CCDC197: variants seen among roughly 807,000 people sequenced by gnomAD.
CCDC197 encodes uncharacterized protein CCDC197.
In CCDC197, 24 loss-of-function variants were observed where a neutral mutation model predicts 13.4. The ratio of observed to expected loss-of-function variants is 1.80; its 90% CI spans 1.30 to 2.53. The LOEUF is 2.53. Ranked by LOEUF, CCDC197 falls within the 30% of genes most tolerant of loss-of-function variation. The pLI, the probability that CCDC197 is intolerant of heterozygous loss-of-function variation, is 0.00. For synonymous variants in CCDC197, 99 were observed against 55.5 expected, an observed-to-expected ratio of 1.78 and a Z score of -3.48; for missense variants, 255 against 148.8, an observed-to-expected ratio of 1.71 and a Z score of -3.71.
At chr14:94,005,366 C>T (rs560562042) in intron 6 of CCDC197, among the ~76,000 whole-genome samples, 42 of 152,284 alleles carry the variant, frequency 2.8e-4, no homozygotes, top group Admixed American at 4.6e-4. Context: ...CTTGCACGCA[C>T]GAAGATACAA....
intron 3 of CCDC197, 169 bp from the exon 4 acceptor site, chr14:94,000,976 G>A (rs1890478944): frequency 4.5e-6 from 2 of 449,312 alleles, no homozygotes; most frequent in Middle Eastern, 5.7e-4. Context: ...GCGGGGGGGC[G>A]GGTGTGGATG....
At chr14:93,999,336 G>T (rs1890417423) in intron 2 of CCDC197, 1 of 490,464 alleles carries the variant, frequency 2.0e-6, no homozygotes, top group Non-Finnish European at 3.6e-6. Flanking sequence ...TTCTCCCCCA[G>T]ATACCTTCTT....
intron 6 of CCDC197, among the ~76,000 whole-genome samples, chr14:94,006,746 A>T (rs1890691876): frequency 6.6e-6 from 1 of 152,134 alleles, no homozygotes; most frequent in South Asian, 2.1e-4. Context: ...AATATTTTCT[A>T]TCTTGCATGT....
downstream of CCDC197, among the ~76,000 whole-genome samples, chr14:94,010,814 C>G (rs1890795996): frequency 6.6e-6 from 1 of 152,164 alleles, no homozygotes; most frequent in Non-Finnish European, 1.5e-5. Context: ...CCTCTCTGTT[C>G]TCTGTCTTTC....
Position 94,004,836 on chromosome 14 carries a change from C to T in CCDC197, c.499-19C>T, listed in dbSNP as rs1449581342. 1.4e-6 allele frequency: 1 copy of T among 702,318 alleles called. No individual in the cohort carries two copies. Among genetic ancestry groups the T allele is most frequent in the African/African-American group, 1.7e-5 (1 of 57,260 alleles). 43.5% of individuals were successfully genotyped at this position (702,318 alleles called of 1,614,324 possible). On this transcript the variant is annotated intron_variant, in intron 5 of 6. Transcript: ENST00000636493. ...GGGAGAGAGCCTGAGCCACCACCTC[C>T]TCCTTCTCTTTCCTGCAGGATCAGC...
intron 3 of CCDC197, 181 bp from the exon 4 acceptor site, chr14:94,000,964 G>A: frequency 2.5e-6 from 1 of 406,518 alleles, no homozygotes; most frequent in East Asian, 4.4e-5. Flanking sequence ...GGGGGCGGGA[G>A]GGCGGGGGGG....
At chr14:93,998,707 C>A (rs1890398040) in intron 2 of CCDC197, among the ~76,000 whole-genome samples, 1 of 152,248 alleles carries the variant, frequency 6.6e-6, no homozygotes, top group African/African-American at 2.4e-5. Context: ...AAGAAAAGAG[C>A]TGACCCAACA....
At chr14:93,988,232 A>G (rs1335621282) in intron 1 of CCDC197, among the ~76,000 whole-genome samples, 2 of 67,206 alleles carry the variant, frequency 3.0e-5, no homozygotes, top group South Asian at 7.7e-4. Flanking sequence ...GAGAGGGGAT[A>G]AGAGAGGGGA....
chr14:93,997,022 C>T (rs531416865), upstream of CCDC197, among the ~76,000 whole-genome samples: 81 of 152,288 alleles, frequency 5.3e-4, no homozygotes, highest in Admixed American at 1.4e-3. Flanking sequence ...GGGAGAGTCC[C>T]GGGACAGGTC....
chr14:94,007,443 G>A (rs1467381838), intron 6 of CCDC197: 2 of 152,192 alleles, frequency 1.3e-5, no homozygotes, highest in African/African-American at 4.8e-5. Context: ...AATATGAAAA[G>A]TTTATTTCTG....
rs1394957496 is a variant in CCDC197, at chr14:94,008,692, C to T, written c.699C>T (p.Phe233=). Residue 233 remains phenylalanine, a synonymous_variant, in exon 7 of 7, where the codon TTC becomes TTT. Coordinates refer to ENST00000636493, the MANE Select transcript of CCDC197 (RefSeq NM_001351596.2). ...AAGTGTGCTGGTCATGGGACAGCTTCGGGGACCAGTGGCTCAGAAGACACC... is the reference window on the plus strand; with the variant it reads ...AAGTGTGCTGGTCATGGGACAGCTTTGGGGACCAGTGGCTCAGAAGACACC... ...EPKVCWSWDS[F]GDQWLRRHPK... The T allele has an allele frequency of 1.1e-5, 8 of 702,878 alleles. No homozygotes were observed. Among genetic ancestry groups the T allele is most frequent in the East Asian group, 2.7e-5 (1 of 37,294 alleles). 43.5% of individuals were successfully genotyped at this position (702,878 alleles called of 1,614,324 possible).
At chr14:94,005,751 G>T (rs1352944350) in intron 6 of CCDC197, among the ~76,000 whole-genome samples, 1 of 152,100 alleles carries the variant, frequency 6.6e-6, no homozygotes, top group African/African-American at 2.4e-5. Flanking sequence ...GCGTCTGGCT[G>T]CTTTCATTTA....
In CCDC197 at chr14:94,001,233, G is replaced by T. The variant is rs150523082; in HGVS notation, c.276G>T (p.Thr92=). 2.3e-5 allele frequency: 18 copies of T among 780,792 alleles called. No homozygotes were observed. Among genetic ancestry groups the T allele is most frequent in the Non-Finnish European group, 3.6e-5 (15 of 418,058 alleles). 48.4% of individuals were successfully genotyped at this position (780,792 alleles called of 1,614,324 possible). ...AGCTCTTCACAGCCAGCCAGGACAC[G>T]CAGAAGCGCCTCGAGGCCTTCTGCC... ...YGKLFTASQD[T]QKRLEAFCQM... The change falls in exon 4 of 7, where the codon ACG becomes ACT. Residue 92 remains threonine, a synonymous_variant. Transcript: ENST00000636493.
chr14:93,991,716 C>T (rs910813042), intron 1 of CCDC197, among the ~76,000 whole-genome samples: 18 of 152,236 alleles, frequency 1.2e-4, no homozygotes, highest in African/African-American at 4.1e-4. Flanking sequence ...GCTGCGGTTG[C>T]GGTACCTGAG....
chr14:93,988,503 A>G, intron 1 of CCDC197, among the ~76,000 whole-genome samples: 1 of 5,340 alleles, frequency 1.9e-4, no homozygotes. Flanking sequence ...TGGATAGGGG[A>G]TGGGAGGAGG....
At chr14:94,000,474 G>A (rs1050807414) in intron 3 of CCDC197, among the ~76,000 whole-genome samples, 3 of 152,070 alleles carry the variant, frequency 2.0e-5, no homozygotes, top group Admixed American at 1.3e-4. Context: ...TGGAGGAGGC[G>A]ACCTCTCATG....
At chr14:93,997,914 G>T in intron 1 of CCDC197, 85 bp from the exon 2 acceptor site, 1 of 563,208 alleles carries the variant, frequency 1.8e-6, no homozygotes, top group Non-Finnish European at 3.2e-6. Flanking sequence ...GGGATTTAAT[G>T]AGCCCTGGGT....
At chr14:94,006,376 A>G (rs1890679977) in intron 6 of CCDC197, among the ~76,000 whole-genome samples, 1 of 150,382 alleles carries the variant, frequency 6.6e-6, no homozygotes, top group Admixed American at 6.6e-5. Flanking sequence ...TTTTTGAGAC[A>G]GAGTCTCACT....
At chr14:94,001,373 G>A in intron 4 of CCDC197, 50 bp downstream of exon 4, 1 of 686,430 alleles carries the variant, frequency 1.5e-6, no homozygotes, top group Non-Finnish European at 2.7e-6. Context: ...AGGGAGCTGG[G>A]GGCGTGGGGC....
Sources: gnomAD v4.1 joint callset for allele counts (sites outside exome capture counted in the v4.1 genomes callset) on GRCh38, gnomAD v4.1.1 for gene constraint, MANE v1.5 for transcripts, NCBI Gene and HGNC (gene_info 2026-07-23, HGNC 2026-07-21) for gene names.